The following KIF7 variants were observed in gnomAD, a reference collection of about 807,000 sequenced individuals.
The protein encoded by KIF7 is kinesin family member 7.
Under a neutral mutation model 135.7 loss-of-function variants are expected in KIF7, and 104 were observed. That is an observed-to-expected ratio of 0.77 (90% CI 0.65 to 0.90). The LOEUF (loss-of-function observed/expected upper bound fraction) is 0.90. KIF7 is among the 40% of genes least tolerant of loss of function. The pLI is 0.00. For missense variants in KIF7, 2,005 were observed against 1,839.1 expected (o/e 1.09, Z -1.65); for synonymous variants, 883 against 809.4 (o/e 1.09, Z -1.54).
chr15:89,634,276 G>A (rs1190868112), intron 11 of KIF7, among the ~76,000 whole-genome samples: 2 of 152,178 alleles, frequency 1.3e-5, no homozygotes, highest in Non-Finnish European at 2.9e-5. Context: ...TCCAGCTTGG[G>A]CAACACAGCA....
chr15:89,629,029 T>C lies in KIF7; in HGVS notation c.3611A>G (p.Asn1204Ser). Residue 1204 changes from asparagine (N) to serine (S), a missense_variant, in exon 18 of 19, where the codon AAC becomes AGC. Coordinates refer to ENST00000394412, the MANE Select transcript of KIF7 (RefSeq NM_198525.3). ...EKELGRYMWI[N>S]QELKQKLGGV... Reference sequence around the variant, plus strand: ...GCCGAGCTTCTGTTTCAGTTCCTGGTTTATCCACATGTAACGGCCCAGTTC... The same window carrying C: ...GCCGAGCTTCTGTTTCAGTTCCTGGCTTATCCACATGTAACGGCCCAGTTC... 2 of 1,613,438 alleles carry C rather than the reference T, an allele frequency of 1.2e-6. No individual in the cohort carries two copies. The highest frequency in any genetic ancestry group is 1.1e-5 in the South Asian group (1 of 91,044).
At position 89,628,710 on chromosome 15, in the gene KIF7, C is replaced by G. The variant is rs771882581; in HGVS notation, c.3741G>C (p.Glu1247Asp). ...CAGTGAGGGGGGACAGCCAGAGAAG[C>G]TCGGGTGCCAGGTGGAGCTCATCTT... ...GNEDELHLAP[E>D]LLWLSPLTEG... Residue 1247 changes from glutamate to aspartate, a missense_variant, in exon 19 of 19, where the codon GAG becomes GAC. By Grantham distance (45) the Glu-to-Asp change is conservative. Coordinates refer to ENST00000394412, the MANE Select transcript of KIF7 (RefSeq NM_198525.3). 2.0e-5 allele frequency: 33 copies of G among 1,612,912 alleles called. No individual in the cohort carries two copies. The highest frequency in any genetic ancestry group is 2.8e-5 in the Non-Finnish European group (33 of 1,179,926).
At chr15:89,633,918 G>A (rs752240149) in intron 11 of KIF7, 35 bp from the exon 12 acceptor site, 37 of 1,610,378 alleles carry the variant, frequency 2.3e-5, no homozygotes, top group Middle Eastern at 1.6e-4. Flanking sequence ...GGCCATGCAC[G>A]GGGCTACCGC....
rs1963676572 is a variant in KIF7, at chr15:89,631,536, TCTCCAGGCG to T, written c.3061_3069del (p.Arg1021_Glu1023del). ...CTCCCCTGCCTCAGCTTGCCGTCGA[TCTCCAGGCG>T]CTGCTTGAGCAGCGAGTCCTTCTCC... On this transcript the variant is annotated inframe_deletion, in exon 15 of 19. Transcript: ENST00000394412. The T allele has an allele frequency of 6.3e-7, 1 of 1,583,766 alleles. No individual in the cohort carries two copies. Among genetic ancestry groups the T allele is most frequent in the African/African-American group, 1.3e-5 (1 of 74,212 alleles).
At chr15:89,621,524 G>T (rs772377024) in intron 1 of KIF7, 1 of 1,613,386 alleles carries the variant, frequency 6.2e-7, no homozygotes, top group Admixed American at 1.7e-5. Flanking sequence ...AAACACTTTG[G>T]ATTCGGAGGT....
chr15:89,640,006 A>G (rs1162182610), intron 11 of KIF7, among the ~76,000 whole-genome samples: 1 of 152,202 alleles, frequency 6.6e-6, no homozygotes, highest in Non-Finnish European at 1.5e-5. Context: ...CATGGATGAA[A>G]CTGGAAATCA....
At position 89,645,086 on chromosome 15, in the gene KIF7, G is replaced by T; in HGVS notation, c.2118C>A (p.Ala706=). Residue 706 remains alanine (A), a synonymous_variant, in exon 10 of 19, where the codon GCC becomes GCA. Coordinates refer to ENST00000394412, the MANE Select transcript of KIF7 (RefSeq NM_198525.3). ...ATASEWRLAQ[A]QQKIRELAIN... Reference sequence around the variant, plus strand: ...TAGCCAGCTCCCGGATCTTCTGCTGGGCCTGGGCCAGCCGCCACTCTGAGG... The same window carrying T: ...TAGCCAGCTCCCGGATCTTCTGCTGTGCCTGGGCCAGCCGCCACTCTGAGG... The T allele has an allele frequency of 1.2e-6, 2 of 1,604,350 alleles. No homozygotes were observed. Among genetic ancestry groups the T allele is most frequent in the South Asian group, 1.1e-5 (1 of 91,086 alleles).
At chr15:89,648,192 C>T (rs1964050451) in intron 5 of KIF7, 63 bp downstream of exon 5, 1 of 1,409,264 alleles carries the variant, frequency 7.1e-7, no homozygotes, top group South Asian at 1.4e-5. Context: ...TGAAGACCCT[C>T]TTCCTTCCTC....
rs765207161 is a variant in KIF7, at chr15:89,630,343, G to C, written c.3262C>G (p.Leu1088Val). The C allele has an allele frequency of 6.2e-7, 1 of 1,614,188 alleles. No individual in the cohort carries two copies. The highest frequency in any genetic ancestry group is 1.3e-5 in the African/African-American group (1 of 75,044). ...GTCTCTGAGGATGAGAGGTAGCTGA[G>C]CTTGGCCATGAGGTTCATCTCGCAC... ...SQCEMNLMAK[L>V]SYLSSSETRA... The change falls in exon 16 of 19, where the codon CTC becomes GTC. Residue 1088 changes from leucine to valine, a missense_variant. Leu to Val is a conservative substitution (Grantham distance 32). Transcript: ENST00000394412.
intron 2 of KIF7, 111 bp from the exon 3 acceptor site, chr15:89,650,052 G>A (rs920489752): frequency 4.9e-5 from 56 of 1,147,522 alleles, no homozygotes; most frequent in Middle Eastern, 2.1e-4. Flanking sequence ...GCTCTAGGAT[G>A]GAGAAGGCAG....
intron 1 of KIF7, chr15:89,619,781 T>C (rs1052560304): frequency 2.7e-5 from 44 of 1,613,910 alleles, no homozygotes; most frequent in Non-Finnish European, 3.5e-5. Flanking sequence ...CCTTCTATTC[T>C]GTGTCTCAGC....
At chr15:89,626,481 G>T (rs1478006350), downstream of KIF7, among the ~76,000 whole-genome samples, 5 of 152,148 alleles carry the variant, frequency 3.3e-5, no homozygotes, top group Non-Finnish European at 7.4e-5. Flanking sequence ...CAGCCTGCAG[G>T]CTCTAGGATT....
At chr15:89,633,662 TC>T in intron 12 of KIF7, 23 bp downstream of exon 12, 1 of 1,601,644 alleles carries the variant, frequency 6.2e-7, no homozygotes. Flanking sequence ...GGACAGAAGG[TC>T]CCCACCCTGC....
Position 89,633,794 on chromosome 15 carries a change from C to G in KIF7, c.2484G>C (p.Val828=), listed in dbSNP as rs774738288. The G allele has an allele frequency of 3.1e-6, 5 of 1,612,308 alleles. No homozygotes were observed. Among genetic ancestry groups the G allele is most frequent in the Non-Finnish European group, 4.2e-6 (5 of 1,180,028 alleles). Residue 828 remains valine, a synonymous_variant, in exon 12 of 19, where the codon GTG becomes GTC. Transcript: ENST00000394412. ...EKRLQELERN[V]QLMRQQQGQL... ...GTCCCTGCTGCTGCCGCATGAGCTG[C>G]ACGTTCCGCTCGAGCTCCTGCAGTC...
At chr15:89,631,388 CG>C in intron 15 of KIF7, 106 bp downstream of exon 15, 1 of 1,056,478 alleles carries the variant, frequency 9.5e-7, no homozygotes, top group Non-Finnish European at 1.4e-6. Context: ...TTGGGTCTGC[CG>C]ACAGCAAGGC....
downstream of KIF7, chr15:89,624,801 G>A (rs769004434): frequency 1.2e-6 from 2 of 1,614,212 alleles, no homozygotes; most frequent in Non-Finnish European, 1.7e-6. Context: ...CAGATGCTGA[G>A]AAGTCTTCTC....
chr15:89,650,638 G>A (rs557111095), intron 2 of KIF7, among the ~76,000 whole-genome samples: 29 of 152,064 alleles, frequency 1.9e-4, no homozygotes, highest in South Asian at 1.0e-3. Flanking sequence ...GTGATCCGCC[G>A]GCCTCAGCCT....
chr15:89,630,710 A>G, intron 15 of KIF7: 1 of 604,026 alleles, frequency 1.7e-6, no homozygotes, highest in South Asian at 1.9e-5. Context: ...GGCCTGCTCA[A>G]CTGCAAGCCT....
the KIF7 span, among the ~76,000 whole-genome samples, chr15:89,662,634 A>G: frequency 6.6e-6 from 1 of 152,140 alleles, no homozygotes; most frequent in African/African-American, 2.4e-5. Flanking sequence ...GGCATTGGGT[A>G]TTTCTCTGAA....
Sources: allele counts gnomAD v4.1 joint callset (sites outside exome capture counted in the v4.1 genomes callset), GRCh38; gene constraint gnomAD v4.1.1; transcripts MANE v1.5; gene names NCBI Gene and HGNC (gene_info 2026-07-23, HGNC 2026-07-21).